Variants in RBFOX1 observed in about 807,000 individuals in gnomAD.
The protein encoded by RBFOX1 is RNA binding fox-1 homolog 1, also known as RNA binding protein fox-1 homolog 1.
Under a neutral mutation model 57.7 loss-of-function variants are expected in RBFOX1, and 8 were observed. The ratio of observed to expected loss-of-function variants is 0.14; its 90% CI spans 0.08 to 0.25. The LOEUF (loss-of-function observed/expected upper bound fraction) is 0.25, where lower values mean the gene tolerates loss of function less well. RBFOX1 is among the 10% of genes least tolerant of loss of function. The probability of loss-of-function intolerance (pLI) is 1.00; values close to 1 mark genes in which losing one functional copy is unlikely to be tolerated. For synonymous variants in RBFOX1, 326 were observed against 222.4 expected (o/e 1.47, Z -4.15); for missense variants, 611 against 548.5 (o/e 1.11, Z -1.14).
At chr16:6,724,995 T>A (rs1358823703) in intron 3 of RBFOX1, among the ~76,000 whole-genome samples, 1 of 150,784 alleles carries the variant, frequency 6.6e-6, no homozygotes, top group Non-Finnish European at 1.5e-5. Flanking sequence ...TAATGAGTAA[T>A]GGGGACAGCC....
chr16:6,913,460 A>ATGTTG (rs1421138914), intron 3 of RBFOX1, among the ~76,000 whole-genome samples: 1 of 152,054 alleles, frequency 6.6e-6, no homozygotes, highest in Non-Finnish European at 1.5e-5. Context: ...GACCCTGAGC[A>ATGTTG]TGTTGCCATC....
intron 2 of RBFOX1, among the ~76,000 whole-genome samples, chr16:6,556,724 G>T (rs568228977): frequency 6.6e-6 from 1 of 152,118 alleles, no homozygotes; most frequent in Non-Finnish European, 1.5e-5. Context: ...ATCTGCCGTA[G>T]AAATTTGCAT....
intron 3 of RBFOX1, among the ~76,000 whole-genome samples, chr16:6,725,933 C>G (rs1023659428): frequency 6.6e-6 from 1 of 152,112 alleles, no homozygotes; most frequent in African/African-American, 2.4e-5. Flanking sequence ...TGATGATAAA[C>G]ACTTGAGGGA....
At chr16:6,585,859 C>T (rs1247784409) in intron 2 of RBFOX1, among the ~76,000 whole-genome samples, 1 of 152,036 alleles carries the variant, frequency 6.6e-6, no homozygotes, top group East Asian at 1.9e-4. Context: ...TAAGGAAATT[C>T]TGTAAAATAG....
intron 2 of RBFOX1, among the ~76,000 whole-genome samples, chr16:6,503,052 T>A (rs962512135): frequency 9.2e-5 from 14 of 152,212 alleles, no homozygotes; most frequent in Admixed American, 7.9e-4. Flanking sequence ...TATGTATTTA[T>A]AAAGATTTAG....
At chr16:7,372,364 G>A (rs1031742470) in intron 4 of RBFOX1, among the ~76,000 whole-genome samples, 1 of 152,154 alleles carries the variant, frequency 6.6e-6, no homozygotes, top group African/African-American at 2.4e-5. Context: ...TGCCTAGTCT[G>A]TGCCAGGCAT....
intron 1 of RBFOX1, chr16:6,039,046 A>T (rs2152409984): frequency 6.6e-6 from 1 of 150,648 alleles, no homozygotes; most frequent in South Asian, 2.1e-4. Flanking sequence ...TAGAAAAATT[A>T]AAAATGCTGA....
At chr16:5,376,226 G>A (rs1427107676) in intron 1 of RBFOX1, among the ~76,000 whole-genome samples, 1 of 152,076 alleles carries the variant, frequency 6.6e-6, no homozygotes, top group Non-Finnish European at 1.5e-5. Flanking sequence ...AGTAAGGGCT[G>A]GAGGCAGTGC....
intron 3 of RBFOX1, among the ~76,000 whole-genome samples, chr16:6,897,531 C>G (rs765892483): frequency 6.6e-6 from 1 of 152,216 alleles, no homozygotes; most frequent in Non-Finnish European, 1.5e-5. Context: ...CAGTGGCTCA[C>G]GCCTGTAATC....
At chr16:6,393,185 C>T (rs1461016907) in intron 2 of RBFOX1, among the ~76,000 whole-genome samples, 2 of 152,168 alleles carry the variant, frequency 1.3e-5, no homozygotes, top group African/African-American at 4.8e-5. Context: ...TTTACCCCTC[C>T]ATCTGTAGAT....
intron 3 of RBFOX1, among the ~76,000 whole-genome samples, chr16:7,041,650 A>G (rs2046229887): frequency 6.6e-6 from 1 of 152,120 alleles, no homozygotes; most frequent in Non-Finnish European, 1.5e-5. Context: ...CCCTTCTTAA[A>G]AAGATAATAT....
At chr16:7,630,543 T>G in intron 10 of RBFOX1, 60 bp from the exon 11 acceptor site, 1 of 1,607,018 alleles carries the variant, frequency 6.2e-7, no homozygotes, top group Non-Finnish European at 8.5e-7. Flanking sequence ...ATTGCCGTGA[T>G]CTCTCAGGTG....
intron 4 of RBFOX1, among the ~76,000 whole-genome samples, chr16:5,899,139 T>C (rs1313025686): frequency 1.0e-5 from 1 of 96,492 alleles, no homozygotes; most frequent in African/African-American, 3.9e-5. Context: ...AGCGAGACCC[T>C]GTCTCAAAAA....
chr16:5,860,718 C>G (rs2057191743), intron 3 of RBFOX1, among the ~76,000 whole-genome samples: 3 of 152,058 alleles, frequency 2.0e-5, no homozygotes, highest in Admixed American at 1.3e-4. Flanking sequence ...AGCAGAAGAT[C>G]AGAGAGGATT....
intron 2 of RBFOX1, among the ~76,000 whole-genome samples, chr16:6,649,223 T>C (rs1001863917): frequency 6.6e-6 from 1 of 152,342 alleles, no homozygotes; most frequent in Non-Finnish European, 1.5e-5. Context: ...CTCATTCAAC[T>C]TAACACAGTG....
intron 1 of RBFOX1, among the ~76,000 whole-genome samples, chr16:5,406,805 A>C (rs76806640): frequency 0.073 from 11,164 of 152,182 alleles, 810 homozygotes; most frequent in African/African-American, 0.19. Flanking sequence ...AATACAATTC[A>C]GTAGAGGGGA....
At chr16:7,334,460 CT>C (rs953986399) in intron 4 of RBFOX1, among the ~76,000 whole-genome samples, 38 of 152,188 alleles carry the variant, frequency 2.5e-4, no homozygotes, top group African/African-American at 9.2e-4. Flanking sequence ...GCTGTTGGAG[CT>C]TTGTCAGACC....
intron 11 of RBFOX1, among the ~76,000 whole-genome samples, chr16:7,647,118 G>A (rs77690177): frequency 6.6e-6 from 1 of 152,070 alleles, no homozygotes; most frequent in African/African-American, 2.4e-5. Flanking sequence ...CCATTTCATC[G>A]AGTTCCATGG....
rs57556084 is a variant in RBFOX1, at chr16:6,925,109, GTTTTTTTTTTTTTTTTTTTTT to G, written c.-15-126926_-15-126906del. Among the ~76,000 whole-genome samples, 25 of 45,248 alleles carry G rather than the reference GTTTTTTTTTTTTTTTTTTTTT, an allele frequency of 5.5e-4. No individual in the cohort carries two copies. In the East Asian group the frequency reaches 7.7e-3, roughly 14 times the overall value. The allele number at this position is 45,248 out of a possible 152,430, so 29.7% of individuals were successfully genotyped here. Reference sequence around the variant, plus strand: ...TCGTTGTTGGACATCTAGGTTGTTGGTTTTTTTTTTTTTTTTTTTTTTTTTTTTTTTTTTTTTTTTTTGAGA... The same window carrying G: ...TCGTTGTTGGACATCTAGGTTGTTGGTTTTTTTTTTTTTTTTTTTTTGAGA... On this transcript the variant is annotated intron_variant, in intron 3 of 15. Coordinates refer to ENST00000550418, the MANE Select transcript of RBFOX1 (RefSeq NM_018723.4).
Sources: allele counts gnomAD v4.1 joint callset (sites outside exome capture counted in the v4.1 genomes callset), GRCh38; gene constraint gnomAD v4.1.1; transcripts MANE v1.5; gene names NCBI Gene and HGNC (gene_info 2026-07-23, HGNC 2026-07-21).